CACNA2D4: variants seen among roughly 807,000 people sequenced by gnomAD.
CACNA2D4 encodes the protein calcium voltage-gated channel auxiliary subunit alpha2delta 4.
A neutral mutation model predicts 163.8 loss-of-function variants in CACNA2D4; 157 were observed. The ratio of observed to expected loss-of-function variants is 0.96; its 90% CI spans 0.84 to 1.09. The LOEUF (loss-of-function observed/expected upper bound fraction) is 1.09. CACNA2D4 is among the 50% of genes least tolerant of loss of function. The pLI is 0.00. For missense variants in CACNA2D4, 1,410 were observed against 1,479.9 expected (o/e 0.95, Z 0.78); for synonymous variants, 598 against 586.9 (o/e 1.02, Z -0.27).
At chr12:1,893,412 G>T (rs926310032) in intron 6 of CACNA2D4, among the ~76,000 whole-genome samples, 1 of 152,078 alleles carries the variant, frequency 6.6e-6, no homozygotes, top group Non-Finnish European at 1.5e-5. Context: ...CCAGCTACTT[G>T]GGAGACTGAG....
intron 29 of CACNA2D4, among the ~76,000 whole-genome samples, chr12:1,807,199 A>G (rs974051312): frequency 1.3e-5 from 2 of 151,938 alleles, no homozygotes; most frequent in Non-Finnish European, 2.9e-5. Flanking sequence ...TGTGAGCTGC[A>G]CTGTGAACTT....
intron 6 of CACNA2D4, among the ~76,000 whole-genome samples, chr12:1,899,770 T>C (rs1866494656): frequency 6.6e-6 from 1 of 152,144 alleles, no homozygotes; most frequent in African/African-American, 2.4e-5. Context: ...CTTCCAAATA[T>C]ATTCTATGAA....
At chr12:1,838,938 C>A (rs1864951464) in intron 26 of CACNA2D4, among the ~76,000 whole-genome samples, 1 of 152,194 alleles carries the variant, frequency 6.6e-6, no homozygotes, top group South Asian at 2.1e-4. Context: ...GCCAGGCGGG[C>A]ACAAATCCCT....
At chr12:1,895,988 A>C (rs955452727) in intron 6 of CACNA2D4, among the ~76,000 whole-genome samples, 2 of 152,224 alleles carry the variant, frequency 1.3e-5, no homozygotes, top group African/African-American at 4.8e-5. Context: ...CAACAAGAAA[A>C]GAACAATCTG....
intron 6 of CACNA2D4, among the ~76,000 whole-genome samples, chr12:1,905,064 T>A (rs550122446): frequency 6.6e-6 from 1 of 152,162 alleles, no homozygotes; most frequent in East Asian, 1.9e-4. Context: ...TGGTTCAACA[T>A]ATGAAAATTG....
intron 23 of CACNA2D4, among the ~76,000 whole-genome samples, chr12:1,852,631 T>G (rs113024667): frequency 6.6e-6 from 1 of 152,188 alleles, no homozygotes; most frequent in Non-Finnish European, 1.5e-5. Context: ...TAGGAAGTCT[T>G]TTCTGAAGCA....
rs1418353571 is a variant in CACNA2D4 at position 1,875,246 on chromosome 12, C to T, written c.1806+5G>A. ...GCTTCCCTTCCCCCTATTTTCCCCACTCACAGATTCAGCCTGGTCTTCCCA... is the reference window on the plus strand; with the variant it reads ...GCTTCCCTTCCCCCTATTTTCCCCATTCACAGATTCAGCCTGGTCTTCCCA... On this transcript the variant is annotated splice_donor_5th_base_variant and intron_variant, in intron 17 of 37. Coordinates refer to ENST00000382722, the MANE Select transcript of CACNA2D4 (RefSeq NM_172364.5). This position sits in a 1 kb window ranked among gnomAD's most constrained non-coding sequence, Gnocchi z 4.0. 2 of 1,607,220 alleles carry T rather than the reference C, an allele frequency of 1.2e-6. No homozygotes were observed. Among genetic ancestry groups the T allele is most frequent in the South Asian group, 2.2e-5 (2 of 90,942 alleles).
intron 1 of CACNA2D4, among the ~76,000 whole-genome samples, chr12:1,915,603 T>TGCCACTG (rs1866954182): frequency 6.6e-6 from 1 of 152,200 alleles, no homozygotes; most frequent in East Asian, 1.9e-4. Context: ...AGGAAAAGGC[T>TGCCACTG]CTGAGCTGCC....
At chr12:1,835,008 C>T (rs952440058) in intron 26 of CACNA2D4, 2 of 444,172 alleles carry the variant, frequency 4.5e-6, no homozygotes, top group Non-Finnish European at 3.9e-6. Context: ...GAGGTGTGTG[C>T]AAGAGGAGGC....
Position 1,799,177 on chromosome 12 carries a change from C to T in CACNA2D4, c.2995+498G>A, listed in dbSNP as rs1863227252. On this transcript the variant is annotated intron_variant, in intron 34 of 37. Coordinates refer to ENST00000382722, the MANE Select transcript of CACNA2D4 (RefSeq NM_172364.5). The surrounding 1 kb of genome is among the most constrained non-coding windows in gnomAD (Gnocchi z 4.7). Reference sequence around the variant, plus strand: ...TTGAAAGGCCAGGCTCATTGCCGCCCTGCACGTGTGGCCACAGCCACCGGG... The same window carrying T: ...TTGAAAGGCCAGGCTCATTGCCGCCTTGCACGTGTGGCCACAGCCACCGGG... Among the ~76,000 whole-genome samples, 1 of 152,218 alleles carries T rather than the reference C, an allele frequency of 6.6e-6. No homozygotes were observed. Among genetic ancestry groups the T allele is most frequent in the Non-Finnish European group, 1.5e-5 (1 of 68,036 alleles).
intron 37 of CACNA2D4, 37 bp downstream of exon 37, chr12:1,795,261 GA>G: frequency 6.3e-7 from 1 of 1,591,588 alleles, no homozygotes. Context: ...GTTTGGGGAT[GA>G]AAATCCAGCC....
In CACNA2D4 at chr12:1,917,387, A is replaced by G. The variant is rs1180604278; in HGVS notation, c.227+860T>C. Among the ~76,000 whole-genome samples the G allele has an allele frequency of 6.6e-6, 1 of 152,158 alleles. No homozygotes were observed. The highest frequency in any genetic ancestry group is 6.5e-5 in the Admixed American group (1 of 15,274). The stretch of plus-strand genomic sequence containing the variant: ...TAAGCACAGGCACGGTGTGTCATTT[A>G]GGCTCCCTGTCCCCACTCCTGCTAA... On this transcript the variant is annotated intron_variant, in intron 1 of 37. Transcript: ENST00000382722. This position sits in a 1 kb window ranked among gnomAD's most constrained non-coding sequence, Gnocchi z 4.3.
chr12:1,879,319 C>T (rs1022390270), intron 14 of CACNA2D4, among the ~76,000 whole-genome samples: 4 of 152,100 alleles, frequency 2.6e-5, no homozygotes, highest in African/African-American at 9.7e-5. Context: ...CTTCACGGCA[C>T]AGGGCGAAGT....
At chr12:1,862,563 C>T (rs780251840) in intron 18 of CACNA2D4, among the ~76,000 whole-genome samples, 6 of 152,168 alleles carry the variant, frequency 3.9e-5, no homozygotes, top group South Asian at 4.1e-4. Flanking sequence ...CAGGCACACA[C>T]CACCATGCCC....
chr12:1,837,194 G>A (rs538917834), intron 26 of CACNA2D4, among the ~76,000 whole-genome samples: 9 of 152,358 alleles, frequency 5.9e-5, no homozygotes, highest in African/African-American at 2.2e-4. Flanking sequence ...CGTGTGGCGA[G>A]AAGGCACTGT....
In CACNA2D4 at chr12:1,883,056, C is replaced by T. The variant is rs1016932863; in HGVS notation, c.1352-56G>A. 2.4e-5 allele frequency: 38 copies of T among 1,562,602 alleles called. No homozygotes were observed. Among genetic ancestry groups the T allele is most frequent in the South Asian group, 3.6e-5 (3 of 84,474 alleles). On this transcript the variant is annotated intron_variant, in intron 12 of 37. Transcript: ENST00000382722. This position sits in a 1 kb window ranked among gnomAD's most constrained non-coding sequence, Gnocchi z 4.5. ...AGGCAGGGCTTCCCTGGGAACCCCT[C>T]GCCAGGGCCTGCACCCTCCCCAGCT...
chr12:1,873,149 TATAA>T (rs144734855), intron 18 of CACNA2D4, among the ~76,000 whole-genome samples: 1,560 of 152,294 alleles, frequency 0.01, 28 homozygotes, highest in African/African-American at 0.036. Flanking sequence ...CCCAGTTTCT[TATAA>T]ATGTTAGTTT....
chr12:1,810,167 A>C (rs934084404), intron 29 of CACNA2D4, 111 bp downstream of exon 29: 63 of 860,676 alleles, frequency 7.3e-5, no homozygotes, highest in Non-Finnish European at 1.2e-4. Context: ...ATTGGCCCCG[A>C]ACAGGGTTCC....
At chr12:1,839,944 TG>T (rs1318407931) in intron 26 of CACNA2D4, among the ~76,000 whole-genome samples, 1 of 152,240 alleles carries the variant, frequency 6.6e-6, no homozygotes, top group Admixed American at 6.5e-5. Flanking sequence ...TCTGAGCCTA[TG>T]GTCCTCATTT....
Sources: gnomAD v4.1 joint callset for allele counts (sites outside exome capture counted in the v4.1 genomes callset) on GRCh38, gnomAD v4.1.1 for gene constraint, Gnocchi (gnomAD v3.1) non-coding constraint, MANE v1.5 for transcripts, NCBI Gene and HGNC (gene_info 2026-07-23, HGNC 2026-07-21) for gene names.